Variants in OSBPL5 observed in about 807,000 individuals in gnomAD.
OSBPL5 encodes the protein oxysterol binding protein like 5.
OSBPL5 carries 71 observed loss-of-function variants against 111.2 expected under a neutral mutation model. That is an observed-to-expected ratio of 0.64 (90% CI 0.53 to 0.78). The LOEUF (loss-of-function observed/expected upper bound fraction) is 0.78, where lower values mean the gene tolerates loss of function less well. OSBPL5 is among the 30% of genes least tolerant of loss of function. OSBPL5 has a pLI of 0.00. For missense variants in OSBPL5, 1,210 were observed against 1,189.3 expected, an observed-to-expected ratio of 1.02 and a Z score of -0.26; for synonymous variants, 549 against 513.9, an observed-to-expected ratio of 1.07 and a Z score of -0.93.
At chr11:3,097,045 C>CGGGAGGAGG (rs58735866) in intron 14 of OSBPL5, among the ~76,000 whole-genome samples, 1 of 1,526 alleles carries the variant, frequency 6.6e-4, no homozygotes, top group African/African-American at 2.5e-3. Context: ...AGAGGGAAGA[C>CGGGAGGAGG]AGGAGAAGGA....
chr11:3,125,292 G>A (rs771461746), intron 3 of OSBPL5, among the ~76,000 whole-genome samples: 5 of 152,178 alleles, frequency 3.3e-5, no homozygotes, highest in Non-Finnish European at 7.3e-5. Context: ...ATCATGTATC[G>A]GATAAGGACC....
At chr11:3,090,480 G>A in intron 20 of OSBPL5, 78 bp downstream of exon 20, 1 of 1,548,446 alleles carries the variant, frequency 6.5e-7, no homozygotes, top group Non-Finnish European at 8.8e-7. Context: ...GTGCTTCTCT[G>A]GCCTCCCCTC....
chr11:3,153,417 T>C (rs1846651053), intron 1 of OSBPL5, among the ~76,000 whole-genome samples: 1 of 151,982 alleles, frequency 6.6e-6, no homozygotes, highest in African/African-American at 2.4e-5. Context: ...GGCAAATGTG[T>C]TTAAAGATCT....
intron 1 of OSBPL5, among the ~76,000 whole-genome samples, chr11:3,153,029 T>G (rs1846640181): frequency 6.7e-6 from 1 of 150,342 alleles, no homozygotes. Context: ...AGAGGAGGAG[T>G]CTGGGGCCAT....
At chr11:3,103,784 GTCCCTT>G (rs1857567131) in intron 10 of OSBPL5, among the ~76,000 whole-genome samples, 1 of 65,702 alleles carries the variant, frequency 1.5e-5, no homozygotes, top group East Asian at 9.3e-4. Flanking sequence ...AGCCTCTGCA[GTCCCTT>G]CCTGCCTCTG....
At position 3,121,096 on chromosome 11, in the gene OSBPL5, G is replaced by C. The variant is rs914405711; in HGVS notation, c.403-472C>G. Reference sequence around the variant, plus strand: ...TTTTTTTTGAGACAGAGTCTCTGTTGCCCAGGCTGGAGGTGCAGTGGTGCT... The same window carrying C: ...TTTTTTTTGAGACAGAGTCTCTGTTCCCCAGGCTGGAGGTGCAGTGGTGCT... On this transcript the variant is annotated intron_variant, in intron 5 of 21. Transcript: ENST00000263650. The surrounding 1 kb of genome is among the most constrained non-coding windows in gnomAD (Gnocchi z 4.3). Among the ~76,000 whole-genome samples the C allele has an allele frequency of 3.0e-5, 4 of 134,234 alleles. No individual in the cohort carries two copies. The highest frequency in any genetic ancestry group is 1.1e-4 in the African/African-American group (4 of 35,084). The allele number at this position is 134,234 out of a possible 152,430, so 88.1% of individuals were successfully genotyped here.
rs899250402 is a variant in OSBPL5 at position 3,092,725 on chromosome 11, G to A, written c.2132+142C>T. On this transcript the variant is annotated intron_variant, in intron 18 of 21. Coordinates refer to ENST00000263650, the MANE Select transcript of OSBPL5 (RefSeq NM_020896.4). This position sits in a 1 kb window ranked among gnomAD's most constrained non-coding sequence, Gnocchi z 5.4. ...GCAGTAAGGACTGATGATGGGGGGT[G>A]TCACTATCTGACCCTCCCCCACCGA... is the stretch of plus-strand genomic sequence containing the variant. 3.8e-6 allele frequency: 5 copies of A among 1,331,146 alleles called. No individual in the cohort carries two copies. The highest frequency in any genetic ancestry group is 1.5e-5 in the African/African-American group (1 of 67,440). The allele number at this position is 1,331,146 out of a possible 1,614,324, so 82.5% of individuals were successfully genotyped here.
chr11:3,091,831 G>A (rs1392240969), intron 19 of OSBPL5, among the ~76,000 whole-genome samples: 11 of 152,136 alleles, frequency 7.2e-5, no homozygotes, highest in Admixed American at 4.6e-4. Flanking sequence ...TGGGGAACAC[G>A]CCCCCATCCT....
At chr11:3,119,776 T>A in intron 6 of OSBPL5, 145 bp from the exon 7 acceptor site, 1 of 661,382 alleles carries the variant, frequency 1.5e-6, no homozygotes, top group South Asian at 2.1e-5. Flanking sequence ...GCCAGGCACC[T>A]GGCCAGGTAG....
intron 7 of OSBPL5, among the ~76,000 whole-genome samples, chr11:3,116,828 C>G (rs1858226740): frequency 7.7e-6 from 1 of 129,652 alleles, no homozygotes; most frequent in East Asian, 2.4e-4. Context: ...GCACTCCAGT[C>G]TGGGCAACAG....
chr11:3,124,995 C>T (rs1858562808), intron 3 of OSBPL5, among the ~76,000 whole-genome samples: 3 of 152,208 alleles, frequency 2.0e-5, no homozygotes, highest in Admixed American at 1.3e-4. Context: ...CTGGGCAGGA[C>T]CCTTGGGTCT....
Position 3,126,425 on chromosome 11 carries a change from C to T in OSBPL5, c.219+48G>A. 1 of 1,514,136 alleles carries T rather than the reference C, an allele frequency of 6.6e-7. No individual in the cohort carries two copies. Among genetic ancestry groups the T allele is most frequent in the Non-Finnish European group, 8.9e-7 (1 of 1,126,818 alleles). The allele number at this position is 1,514,136 out of a possible 1,614,324, so 93.8% of individuals were successfully genotyped here. A position where few individuals can be genotyped will look rare whatever the true frequency, so the allele number is the denominator to read the frequency against. ...TTTCCCCAGCCGTTTCCTGCTGTCC[C>T]CAGAGCCAGGCTCTGGCTCATGGAT... is the stretch of plus-strand genomic sequence containing the variant. On this transcript the variant is annotated intron_variant, in intron 3 of 21. Transcript: ENST00000263650. The surrounding 1 kb of genome is among the most constrained non-coding windows in gnomAD (Gnocchi z 6.5).
chr11:3,107,658 C>T lies in OSBPL5; in HGVS notation c.866+113G>A, dbSNP rs982875952. The T allele has an allele frequency of 1.0e-5, 15 of 1,450,414 alleles. No homozygotes were observed. Among genetic ancestry groups the T allele is most frequent in the African/African-American group, 1.4e-5 (1 of 71,634 alleles). 89.8% of individuals were successfully genotyped at this position (1,450,414 alleles called of 1,614,324 possible). On this transcript the variant is annotated intron_variant, in intron 8 of 21. Coordinates refer to ENST00000263650, the MANE Select transcript of OSBPL5 (RefSeq NM_020896.4). The surrounding 1 kb of genome is among the most constrained non-coding windows in gnomAD (Gnocchi z 6.1). ...GCACACTGCAGCGAACAAGTCCCTG[C>T]GTGCAGCCTGCAGCCCACCAGAGCA... is the stretch of plus-strand genomic sequence containing the variant.
rs1857686602 is a variant in OSBPL5, at chr11:3,106,208, C to T, written c.1059+1055G>A. On this transcript the variant is annotated intron_variant, in intron 9 of 21. Coordinates refer to ENST00000263650, the MANE Select transcript of OSBPL5 (RefSeq NM_020896.4). This position sits in a 1 kb window ranked among gnomAD's most constrained non-coding sequence, Gnocchi z 8.4. Reference sequence around the variant, plus strand: ...AGGATTTCACGGACCACGGAGGAGCCCCCTCTGTCCCTGTGCAGAGCAAGA... The same window carrying T: ...AGGATTTCACGGACCACGGAGGAGCTCCCTCTGTCCCTGTGCAGAGCAAGA... Among the ~76,000 whole-genome samples, 1 of 151,932 alleles carries T rather than the reference C, an allele frequency of 6.6e-6. No individual in the cohort carries two copies. The highest frequency in any genetic ancestry group is 1.5e-5 in the Non-Finnish European group (1 of 67,964).
At chr11:3,135,738 G>A (rs1184694886) in intron 1 of OSBPL5, among the ~76,000 whole-genome samples, 1 of 152,208 alleles carries the variant, frequency 6.6e-6, no homozygotes, top group Non-Finnish European at 1.5e-5. Context: ...CGCCTTGCCT[G>A]CGGCAGGGTC....
intron 1 of OSBPL5, among the ~76,000 whole-genome samples, chr11:3,129,509 G>A (rs1243727223): frequency 6.6e-6 from 1 of 152,186 alleles, no homozygotes; most frequent in Non-Finnish European, 1.5e-5. Context: ...AGACCCACGT[G>A]TAGACACAGG....
At chr11:3,112,047 A>G (rs1332592060) in intron 7 of OSBPL5, among the ~76,000 whole-genome samples, 18 of 66,820 alleles carry the variant, frequency 2.7e-4, no homozygotes, top group African/African-American at 9.9e-4. Context: ...GTGTGCGCGC[A>G]TGTGTGTGCA....
chr11:3,139,822 GCC>G (rs1304617143), intron 1 of OSBPL5, among the ~76,000 whole-genome samples: 3 of 152,230 alleles, frequency 2.0e-5, no homozygotes, highest in Non-Finnish European at 4.4e-5. Context: ...AGTCCCCGAG[GCC>G]CAGCCACGCG....
chr11:3,115,556 T>C (rs542216336), intron 7 of OSBPL5, among the ~76,000 whole-genome samples: 63 of 152,340 alleles, frequency 4.1e-4, no homozygotes, highest in Middle Eastern at 6.8e-3. Flanking sequence ...CCAGAAGAGA[T>C]AGACATGTGA....
Sources: gnomAD v4.1 joint callset for allele counts (sites outside exome capture counted in the v4.1 genomes callset) on GRCh38, gnomAD v4.1.1 for gene constraint, Gnocchi (gnomAD v3.1) non-coding constraint, MANE v1.5 for transcripts, NCBI Gene and HGNC (gene_info 2026-07-23, HGNC 2026-07-21) for gene names.